Variants in CNTLN observed in about 807,000 individuals in gnomAD.
CNTLN encodes the protein centlein, centrosomal protein.
Under a neutral mutation model 180.0 loss-of-function variants are expected in CNTLN, and 212 were observed. The observed-to-expected ratio is 1.18, with a 90% CI of 1.05 to 1.32. CNTLN has a LOEUF of 1.32. Among genes scored for constraint, CNTLN ranks in the 40% most tolerant of loss-of-function variants. The probability of loss-of-function intolerance (pLI) is 0.00; values close to 1 mark genes in which losing one functional copy is unlikely to be tolerated. For synonymous variants in CNTLN, 722 were observed against 563.1 expected, an observed-to-expected ratio of 1.28 and a Z score of -3.99; for missense variants, 2,095 against 1,610.9, an observed-to-expected ratio of 1.30 and a Z score of -5.14.
chr9:17,143,196 G>T lies in CNTLN; in HGVS notation c.361-92G>T, dbSNP rs906344364. On this transcript the variant is annotated intron_variant, in intron 1 of 25. Coordinates refer to ENST00000380647, the MANE Select transcript of CNTLN (RefSeq NM_017738.4). ...ATGTAGTTATACAACTAGGGATCAA[G>T]TAATTGTTTTTTCATTTTAAAATTT... 1.2e-5 allele frequency: 10 copies of T among 835,716 alleles called. No individual in the cohort carries two copies. The African/African-American group carries it at 1.4e-4, about 11-fold the overall frequency. The allele number at this position is 835,716 out of a possible 1,614,324, so 51.8% of individuals were successfully genotyped here.
rs1453982639 is a variant in CNTLN, at chr9:17,484,309, G to A, written c.3870G>A (p.Glu1290=). ...ATATGTTACAGGCTTTGGCCAAAGA[G>A]TTGCAAAATGATGTCCATGTGGTAA... ...FTTFVKALAK[E]LQNDVHVVRR... is the part of the protein sequence containing the mutation. The change falls in exon 24 of 26, where the codon GAG becomes GAA. Residue 1290 remains glutamate, a synonymous_variant. Coordinates refer to ENST00000380647, the MANE Select transcript of CNTLN (RefSeq NM_017738.4). 2 of 1,598,810 alleles carry A rather than the reference G, an allele frequency of 1.3e-6. No individual in the cohort carries two copies. The highest frequency in any genetic ancestry group is 4.5e-5 in the East Asian group (2 of 44,768).
In CNTLN at chr9:17,248,220, T is replaced by A. The variant is rs1825920266; in HGVS notation, c.849+11632T>A. Among the ~76,000 whole-genome samples the A allele has an allele frequency of 5.3e-5, 8 of 152,138 alleles. No individual in the cohort carries two copies. The South Asian group carries it at 1.7e-3, about 31-fold the overall frequency. On this transcript the variant is annotated intron_variant, in intron 5 of 25. Coordinates refer to ENST00000380647, the MANE Select transcript of CNTLN (RefSeq NM_017738.4). ...TATTGAGATACCTTTATTTTACACT[T>A]GCTTTGGTATAAGGATTATGCTGTC...
At chr9:17,486,736 C>T (rs565570533) in intron 24 of CNTLN, among the ~76,000 whole-genome samples, 20 of 152,132 alleles carry the variant, frequency 1.3e-4, no homozygotes, top group Non-Finnish European at 2.6e-4. Flanking sequence ...ACTTTGAGCT[C>T]CACTGTGAAG....
At chr9:17,289,931 C>A (rs1468092648) in intron 6 of CNTLN, among the ~76,000 whole-genome samples, 1 of 148,066 alleles carries the variant, frequency 6.8e-6, no homozygotes, top group Non-Finnish European at 1.5e-5. Context: ...TCAAAGTTTT[C>A]AACTTCTTTG....
the CNTLN span, among the ~76,000 whole-genome samples, chr9:17,508,996 G>A: frequency 3.9e-5 from 6 of 152,198 alleles, no homozygotes; most frequent in African/African-American, 1.4e-4. Context: ...TGACCTCAGC[G>A]AGGAGGATTT....
At chr9:17,394,114 G>T (rs12002417) in intron 14 of CNTLN, among the ~76,000 whole-genome samples, 3,325 of 151,916 alleles carry the variant, frequency 0.022, 109 homozygotes, top group African/African-American at 0.076. Context: ...ACTTTATATT[G>T]TCATTCCTTT....
rs762261600 is a variant in CNTLN at position 17,342,477 on chromosome 9, T to C, written c.1886+33T>C. On this transcript the variant is annotated intron_variant, in intron 12 of 25. Transcript: ENST00000380647. ...TCATTTTTAACAATATGGACTTAGA[T>C]AAAATACTTGGGAGAAATTTTTTCA... The C allele has an allele frequency of 1.9e-6, 3 of 1,562,720 alleles. No homozygotes were observed. The South Asian group carries it at 3.7e-5, about 19-fold the overall frequency.
chr9:17,379,627 G>T (rs1021601823), intron 13 of CNTLN, among the ~76,000 whole-genome samples: 5 of 152,058 alleles, frequency 3.3e-5, no homozygotes, highest in African/African-American at 9.7e-5. Flanking sequence ...CATACATTTT[G>T]TCTAGTTTTT....
chr9:17,519,134 C>A, the CNTLN span, among the ~76,000 whole-genome samples: 1 of 139,266 alleles, frequency 7.2e-6, no homozygotes, highest in Non-Finnish European at 1.5e-5. Context: ...CATTATGTTT[C>A]CCAGACTGGT....
chr9:17,256,561 C>CTT (rs573897019), intron 5 of CNTLN, among the ~76,000 whole-genome samples: 6,899 of 143,890 alleles, frequency 0.048, 212 homozygotes, highest in South Asian at 0.15. Flanking sequence ...TATGTCTTCT[C>CTT]TTTTTTTTTT....
chr9:17,247,831 T>G (rs1313306016), intron 5 of CNTLN, among the ~76,000 whole-genome samples: 6 of 142,706 alleles, frequency 4.2e-5, no homozygotes, highest in Non-Finnish European at 9.1e-5. Context: ...TTCTCTGTTC[T>G]TTCTTTTTTT....
chr9:17,473,794 T>C (rs752170818), intron 23 of CNTLN, among the ~76,000 whole-genome samples: 1 of 152,174 alleles, frequency 6.6e-6, no homozygotes, highest in Non-Finnish European at 1.5e-5. Context: ...AAGTAGTTTA[T>C]TCAAAGTCAC....
chr9:17,214,735 T>C (rs1823607144), intron 2 of CNTLN, among the ~76,000 whole-genome samples: 1 of 152,254 alleles, frequency 6.6e-6, no homozygotes, highest in South Asian at 2.1e-4. Flanking sequence ...CATGTATTTC[T>C]TGGAGGCTTT....
chr9:17,309,804 C>A (rs1184978019), intron 8 of CNTLN, among the ~76,000 whole-genome samples: 7 of 151,810 alleles, frequency 4.6e-5, no homozygotes, highest in African/African-American at 4.8e-5. Context: ...TAAGTGGTAC[C>A]TTTTTAGATA....
intron 5 of CNTLN, among the ~76,000 whole-genome samples, chr9:17,245,833 GC>G (rs1825768723): frequency 6.6e-6 from 1 of 151,732 alleles, no homozygotes; most frequent in Non-Finnish European, 1.5e-5. Context: ...AGAGACTGAT[GC>G]ATTCTTTAAT....
At chr9:17,466,949 C>A in intron 23 of CNTLN, 58 bp downstream of exon 23, 1 of 1,225,750 alleles carries the variant, frequency 8.2e-7, no homozygotes, top group Non-Finnish European at 1.2e-6. Context: ...TAGGCAGTAG[C>A]CTACTTGAGA....
chr9:17,159,305 C>T (rs1455172562), intron 2 of CNTLN, among the ~76,000 whole-genome samples: 1 of 152,162 alleles, frequency 6.6e-6, no homozygotes, highest in Non-Finnish European at 1.5e-5. Flanking sequence ...CCTTGTTTTA[C>T]ATACTGCTTT....
chr9:17,370,828 T>G (rs1824258751), intron 13 of CNTLN, among the ~76,000 whole-genome samples: 1 of 152,124 alleles, frequency 6.6e-6, no homozygotes. Flanking sequence ...ATCAGTTTTG[T>G]TTTTGCTTGT....
rs972327812 is a variant in CNTLN at position 17,255,599 on chromosome 9, T to C, written c.850-18134T>C. The stretch of plus-strand genomic sequence containing the variant: ...ATTTTGTTTATGATTTGTGCATCAA[T>C]ATTCATCAGATAATTGGTCTCTAGT... On this transcript the variant is annotated intron_variant, in intron 5 of 25. Transcript: ENST00000380647. Among the ~76,000 whole-genome samples, 12 of 151,992 alleles carry C rather than the reference T, an allele frequency of 7.9e-5. No homozygotes were observed. The South Asian group carries it at 1.0e-3, about 13-fold the overall frequency.
Sources: allele counts gnomAD v4.1 joint callset (sites outside exome capture counted in the v4.1 genomes callset), GRCh38; gene constraint gnomAD v4.1.1; transcripts MANE v1.5; gene names NCBI Gene and HGNC (gene_info 2026-07-23, HGNC 2026-07-21).